The following LDHA variants were observed in gnomAD, a reference collection of about 807,000 sequenced individuals.
The protein encoded by LDHA is L-lactate dehydrogenase A chain.
LDHA carries 10 observed loss-of-function variants against 36.3 expected under a neutral mutation model. That is an observed-to-expected ratio of 0.28 (90% CI 0.17 to 0.47). The LOEUF (loss-of-function observed/expected upper bound fraction) is 0.47. Among genes scored for constraint, LDHA ranks in the 20% least tolerant of loss-of-function variants. The pLI is 0.99. For missense variants in LDHA, 267 were observed against 405.8 expected (o/e 0.66, Z 2.94); for synonymous variants, 110 against 136.7 (o/e 0.80, Z 1.36).
intron 4 of LDHA, among the ~76,000 whole-genome samples, chr11:18,401,567 TC>T (rs1224790424): frequency 7.5e-6 from 1 of 133,098 alleles, no homozygotes; most frequent in African/African-American, 2.8e-5. Flanking sequence ...AAGCTCCGCC[TC>T]CCGGGTTCAT....
intron 3 of LDHA, chr11:18,400,634 C>G (rs1241038141): frequency 1.5e-6 from 1 of 658,364 alleles, no homozygotes; most frequent in East Asian, 2.9e-5. Context: ...CTCCAGCTCT[C>G]CCTAATTGTA....
At chr11:18,401,824 G>A (rs1210802400) in intron 4 of LDHA, among the ~76,000 whole-genome samples, 2 of 151,870 alleles carry the variant, frequency 1.3e-5, no homozygotes, top group East Asian at 3.9e-4. Flanking sequence ...AGATTTGTGT[G>A]TGTGTGTTTT....
In LDHA at chr11:18,401,108, A is replaced by T. The variant is rs937747906; in HGVS notation, c.418+98A>T. On this transcript the variant is annotated intron_variant, in intron 4 of 7. Coordinates refer to ENST00000422447, the MANE Select transcript of LDHA (RefSeq NM_005566.4). ...TATTTTAAATATTTTGAAATATTTT[A>T]AAAAATACATTTTTAAAAATATTTT... 1.5e-5 allele frequency: 7 copies of T among 478,234 alleles called. 1 individual carries two copies. The highest frequency in any genetic ancestry group is 6.2e-5 in the East Asian group (1 of 16,126). 29.6% of individuals were successfully genotyped at this position (478,234 alleles called of 1,614,324 possible). A position where few individuals can be genotyped will look rare whatever the true frequency, so the allele number is the denominator to read the frequency against.
chr11:18,396,673 T>A (rs1037128036), intron 1 of LDHA, 146 bp from the exon 2 acceptor site: 11 of 1,377,374 alleles, frequency 8.0e-6, no homozygotes, highest in Non-Finnish European at 1.1e-5. Context: ...TTGGCAACCA[T>A]TAGGTTTTTT....
At chr11:18,403,556 A>G in intron 5 of LDHA, 138 bp from the exon 6 acceptor site, 1 of 710,286 alleles carries the variant, frequency 1.4e-6, no homozygotes, top group Non-Finnish European at 2.6e-6. Flanking sequence ...AAAAGTGAGT[A>G]ATGACTACAT....
At position 18,407,403 on chromosome 11, in the gene LDHA, G is replaced by GA. The variant is rs771684587; in HGVS notation, c.*127dup. The GA allele has an allele frequency of 6.4e-7, 1 of 1,569,944 alleles. No homozygotes were observed. Among genetic ancestry groups the GA allele is most frequent in the African/African-American group, 1.4e-5 (1 of 73,540 alleles). ...GCAGTAATATTTTAAGATGGACTGG[G>GA]AAAAACATCAACTCCTGAAGTTAGA... On this transcript the variant is annotated 3_prime_UTR_variant, in exon 8 of 8. Transcript: ENST00000422447.
chr11:18,401,794 G>A (rs1215056187), intron 4 of LDHA, among the ~76,000 whole-genome samples: 1 of 150,654 alleles, frequency 6.6e-6, no homozygotes, highest in African/African-American at 2.4e-5. Flanking sequence ...TATTTTTCAT[G>A]TTTCATTTCC....
At chr11:18,401,136 A>G (rs1866476891) in intron 4 of LDHA, 126 bp downstream of exon 4, 1 of 405,266 alleles carries the variant, frequency 2.5e-6, no homozygotes, top group African/African-American at 2.2e-5. Flanking sequence ...AATATTTTCG[A>G]ATATTATTTT....
rs1866464622 is a variant in LDHA at position 18,400,932 on chromosome 11, G to A, written c.340G>A (p.Val114Met). The A allele has an allele frequency of 2.5e-6, 4 of 1,612,962 alleles. No individual in the cohort carries two copies. The highest frequency in any genetic ancestry group is 2.2e-5 in the East Asian group (1 of 44,882). ...ESRLNLVQRNVNIFKFIIPNV... is the reference protein window; with the variant it reads ...ESRLNLVQRNMNIFKFIIPNV... ...CCGTCTTAATTTGGTCCAGCGTAAC[G>A]TGAACATCTTTAAATTCATCATTCC... is the stretch of plus-strand genomic sequence containing the variant. Residue 114 changes from valine (V) to methionine (M), a missense_variant, in exon 4 of 8, where the codon GTG (valine) becomes ATG (methionine). Transcript: ENST00000422447.
At position 18,407,310 on chromosome 11, in the gene LDHA, T is replaced by C; in HGVS notation, c.*29T>C. On this transcript the variant is annotated 3_prime_UTR_variant, in exon 8 of 8. Coordinates refer to ENST00000422447, the MANE Select transcript of LDHA (RefSeq NM_005566.4). Reference sequence around the variant, plus strand: ...CTTCTGATGTCATATCATTTCACTGTCTAGGCTACAACAGGATTCTAGGTG... The same window carrying C: ...CTTCTGATGTCATATCATTTCACTGCCTAGGCTACAACAGGATTCTAGGTG... 6.2e-7 allele frequency: 1 copy of C among 1,612,430 alleles called. No homozygotes were observed. The highest frequency in any genetic ancestry group is 1.1e-5 in the South Asian group (1 of 91,006).
Position 18,401,473 on chromosome 11 carries a change from C to CTTTTTTTT in LDHA, c.418+478_418+485dup, listed in dbSNP as rs58157049. ...CATATTTATTGATTCATTTATTTTTCTTTTTTTTTTTTTTTTTTTTTTGAG... is the reference window on the plus strand; with the variant it reads ...CATATTTATTGATTCATTTATTTTTCTTTTTTTTTTTTTTTTTTTTTTTTTTTTTTGAG... On this transcript the variant is annotated intron_variant, in intron 4 of 7. Transcript: ENST00000422447. Among the ~76,000 whole-genome samples the CTTTTTTTT allele has an allele frequency of 2.9e-3, 202 of 68,592 alleles. 12 individuals carry two copies. The highest frequency in any genetic ancestry group is 3.6e-3 in the Non-Finnish European group (142 of 39,188). The allele number at this position is 68,592 out of a possible 152,430, so 45.0% of individuals were successfully genotyped here. A position where few individuals can be genotyped will look rare whatever the true frequency, so the allele number is the denominator to read the frequency against.
Position 18,394,602 on chromosome 11 carries a change from A to G in LDHA, c.-59A>G. ...GCCGCCGATTCCGGATCTCATTGCC[A>G]CGCGCCCCCGACGACCGCCCGACGT... On this transcript the variant is annotated 5_prime_UTR_variant, in exon 1 of 8. Coordinates refer to ENST00000422447, the MANE Select transcript of LDHA (RefSeq NM_005566.4). 2.2e-6 allele frequency: 1 copy of G among 453,886 alleles called. No homozygotes were observed. Among genetic ancestry groups the G allele is most frequent in the Non-Finnish European group, 4.4e-6 (1 of 226,756 alleles). The allele number at this position is 453,886 out of a possible 1,614,324, so 28.1% of individuals were successfully genotyped here.
chr11:18,403,646 A>T, intron 5 of LDHA, 48 bp from the exon 6 acceptor site: 1 of 1,126,634 alleles, frequency 8.9e-7, no homozygotes, highest in Admixed American at 1.7e-5. Flanking sequence ...CACAATTACT[A>T]ATCTGTTGGT....
chr11:18,396,224 T>TGCGCAC (rs1464016708), intron 1 of LDHA: 6 of 292,300 alleles, frequency 2.1e-5, no homozygotes, highest in African/African-American at 6.5e-5. Context: ...GTAATGCGCA[T>TGCGCAC]GCGCACGCGC....
chr11:18,398,068 TG>T (rs1434341629), intron 2 of LDHA, among the ~76,000 whole-genome samples: 1 of 152,198 alleles, frequency 6.6e-6, no homozygotes, highest in Non-Finnish European at 1.5e-5. Context: ...GTTTTTTCTC[TG>T]TGATGGCCTC....
rs2134021578 is a variant in LDHA at position 18,399,474 on chromosome 11, A to G, written c.170A>G (p.Lys57Arg). The part of the protein sequence containing the change: ...ELALVDVIED[K>R]LKGEMMDLQH... ...GCTCTTGTTGATGTCATCGAAGACA[A>G]ATTGAAGGGAGAGATGATGGATCTC... The change falls in exon 3 of 8, where the codon AAA (lysine) becomes AGA (arginine). Residue 57 changes from lysine to arginine, a missense_variant. Transcript: ENST00000422447. 3 of 1,613,736 alleles carry G rather than the reference A, an allele frequency of 1.9e-6. No individual in the cohort carries two copies. The highest frequency in any genetic ancestry group is 2.5e-6 in the Non-Finnish European group (3 of 1,179,702).
chr11:18,395,457 C>G (rs1475589713), intron 1 of LDHA, among the ~76,000 whole-genome samples: 1 of 152,150 alleles, frequency 6.6e-6, no homozygotes, highest in Admixed American at 6.6e-5. Flanking sequence ...GCCCTCCCAC[C>G]TCCGCCCCTA....
Position 18,407,735 on chromosome 11 carries a change from C to G in LDHA, c.*454C>G, listed in dbSNP as rs200436948. 40 of 470,634 alleles carry G rather than the reference C, an allele frequency of 8.5e-5. No homozygotes were observed. The highest frequency in any genetic ancestry group is 6.5e-4 in the Middle Eastern group (1 of 1,530). 29.2% of individuals were successfully genotyped at this position (470,634 alleles called of 1,614,324 possible). ...CTTCCAAAGGATCTTATTTTGTGAA[C>G]TATATCAGTAGTGTACATTACCATA... On this transcript the variant is annotated 3_prime_UTR_variant, in exon 8 of 8. Transcript: ENST00000422447.
At chr11:18,406,973 T>G (rs924953369) in intron 7 of LDHA, 144 bp from the exon 8 acceptor site, 1 of 651,082 alleles carries the variant, frequency 1.5e-6, no homozygotes, top group African/African-American at 1.8e-5. Context: ...GCCACTGCAC[T>G]CCAGCCTGGG....
Sources: gnomAD v4.1 joint callset for allele counts (sites outside exome capture counted in the v4.1 genomes callset) on GRCh38, gnomAD v4.1.1 for gene constraint, MANE v1.5 for transcripts, NCBI Gene and HGNC (gene_info 2026-07-23, HGNC 2026-07-21) for gene names.